PASD1: variants seen among roughly 807,000 people sequenced by gnomAD.
The protein encoded by PASD1 is PAS domain containing repressor 1.
In PASD1, 13 loss-of-function variants were observed where a neutral mutation model predicts 58.8. That is an observed-to-expected ratio of 0.22 (90% CI 0.14 to 0.35). The LOEUF (loss-of-function observed/expected upper bound fraction) is 0.35, where lower values mean the gene tolerates loss of function less well. Among genes scored for constraint, PASD1 ranks in the 10% least tolerant of loss-of-function variants. The pLI, the probability that PASD1 is intolerant of heterozygous loss-of-function variation, is 1.00. For missense variants in PASD1, 734 were observed against 568.3 expected (o/e 1.29, Z -2.96); for synonymous variants, 236 against 216.7 (o/e 1.09, Z -0.78).
rs2014470160 is a variant in PASD1, at chrX:151,671,624, G to A, written c.1282G>A (p.Glu428Lys). ...HVVIPDLQSSEAVPKKQQKQH... is the reference protein window; with the variant it reads ...HVVIPDLQSSKAVPKKQQKQH... ...TGTCATTCCTGATCTCCAATCTTCG[G>A]AGGCAGTGCCCAAGAAACAACAGAA... is the stretch of plus-strand genomic sequence containing the variant. The change falls in exon 13 of 16, where the codon GAG (glutamate) becomes AAG (lysine). Residue 428 changes from glutamate to lysine, a missense_variant. Transcript: ENST00000370357. 5.0e-6 allele frequency: 6 copies of A among 1,211,710 alleles called. No homozygotes were observed. Among genetic ancestry groups the A allele is most frequent in the Non-Finnish European group, 6.7e-6 (6 of 895,520 alleles).
intron 8 of PASD1, among the ~76,000 whole-genome samples, chrX:151,629,188 C>T (rs1029110300): frequency 9.0e-6 from 1 of 111,177 alleles, no homozygotes; most frequent in Non-Finnish European, 1.9e-5. Context: ...GGTGCAATCT[C>T]GGCTCGCTGC....
chrX:151,588,604 A>C (rs761900354), intron 1 of PASD1, among the ~76,000 whole-genome samples: 1 of 111,395 alleles, frequency 9.0e-6, no homozygotes, highest in African/African-American at 3.3e-5. Flanking sequence ...TGCTGCTGAA[A>C]TAGTACTCAT....
In PASD1 at chrX:151,672,216, G is replaced by A. The variant is rs1260819650; in HGVS notation, c.1471G>A (p.Glu491Lys). 17 of 1,137,526 alleles carry A rather than the reference G, an allele frequency of 1.5e-5. No homozygotes were observed. The East Asian group carries it at 4.6e-4, about 31-fold the overall frequency. The allele number at this position is 1,137,526 out of a possible 1,213,427, so 93.7% of individuals were successfully genotyped here. A position where few individuals can be genotyped will look rare whatever the true frequency, so the allele number is the denominator to read the frequency against. ...QLVQQEQHLK[E>K]QQRQLREQLQ... is the part of the protein sequence containing the mutation. The stretch of plus-strand genomic sequence containing the variant: ...GGTGCAGCAAGAACAACACCTGAAG[G>A]AGCAGCAGCGGCAGCTGCGGGAGCA... Residue 491 changes from glutamate (E) to lysine (K), a missense_variant, in exon 14 of 16, where the codon GAG becomes AAG. By Grantham distance (56) the Glu-to-Lys change is moderately conservative (BLOSUM62 1). Transcript: ENST00000370357.
chrX:151,624,912 G>A (rs1318147387), intron 7 of PASD1, among the ~76,000 whole-genome samples: 1 of 111,763 alleles, frequency 8.9e-6, no homozygotes, highest in Non-Finnish European at 1.9e-5. Flanking sequence ...TAGCCCTCTG[G>A]GATTTGAACT....
intron 6 of PASD1, among the ~76,000 whole-genome samples, chrX:151,622,072 CT>C (rs2013719399): frequency 9.1e-6 from 1 of 110,139 alleles, no homozygotes; most frequent in Non-Finnish European, 1.9e-5. Context: ...CAATAAAGTT[CT>C]GTCCATTGAC....
At chrX:151,611,807 G>T in intron 4 of PASD1, 54 bp downstream of exon 4, 1 of 900,251 alleles carries the variant, frequency 1.1e-6, no homozygotes, top group Non-Finnish European at 1.6e-6. Flanking sequence ...TTGTTTAGGG[G>T]TTCATTATTT....
chrX:151,659,188 A>T (rs2014281292), intron 9 of PASD1, among the ~76,000 whole-genome samples: 1 of 112,453 alleles, frequency 8.9e-6, no homozygotes, highest in South Asian at 3.7e-4. Context: ...GTTGTTAAAC[A>T]GCCCCTGGTT....
At chrX:151,653,879 T>TTTC (rs1569413948) in intron 9 of PASD1, among the ~76,000 whole-genome samples, 6 of 19,805 alleles carry the variant, frequency 3.0e-4, no homozygotes, top group African/African-American at 9.8e-4. Flanking sequence ...TCTTTCTTTC[T>TTTC]TTCTTTCTTT....
chrX:151,576,615 AAAG>A (rs1336130453), intron 1 of PASD1, among the ~76,000 whole-genome samples: 1 of 112,367 alleles, frequency 8.9e-6, no homozygotes, highest in Non-Finnish European at 1.9e-5. Flanking sequence ...CAAGTGAAGG[AAAG>A]AAGATGTCTT....
chrX:151,593,623 T>A (rs966483582), intron 1 of PASD1, among the ~76,000 whole-genome samples: 9 of 111,785 alleles, frequency 8.1e-5, no homozygotes, highest in African/African-American at 1.3e-4. Flanking sequence ...ATGTGCCACA[T>A]TTTCTGAATC....
At chrX:151,626,794 C>T (rs191520218) in intron 8 of PASD1, among the ~76,000 whole-genome samples, 4 of 111,763 alleles carry the variant, frequency 3.6e-5, no homozygotes, top group South Asian at 3.7e-4. Flanking sequence ...GCTGTGGTCA[C>T]GGTTACTATT....
At chrX:151,658,271 C>T (rs1025418392) in intron 9 of PASD1, among the ~76,000 whole-genome samples, 1 of 112,395 alleles carries the variant, frequency 8.9e-6, no homozygotes, top group Non-Finnish European at 1.9e-5. Context: ...TGCATTTTCA[C>T]CTTAGTCCTA....
At position 151,671,162 on chromosome X, in the gene PASD1, A is replaced by G. The variant is rs1176467851; in HGVS notation, c.1196A>G (p.Gln399Arg). The change falls in exon 12 of 16, where the codon CAG becomes CGG. Residue 399 changes from glutamine to arginine, a missense_variant. Physicochemically the swap from Gln to Arg is conservative, Grantham distance 43. Coordinates refer to ENST00000370357, the MANE Select transcript of PASD1 (RefSeq NM_173493.3). ...CTGCATGATGCCATCCAAAACCAGC[A>G]GAATGCATTGGAATTGATGATGGAT... ...WLLHDAIQNQ[Q>R]NALELMMDHL... 1.7e-6 allele frequency: 2 copies of G among 1,211,820 alleles called. No individual in the cohort carries two copies. The highest frequency in any genetic ancestry group is 4.3e-5 in the Admixed American group (2 of 46,019).
chrX:151,612,577 G>A (rs1334996750), intron 4 of PASD1, among the ~76,000 whole-genome samples: 1 of 111,377 alleles, frequency 9.0e-6, no homozygotes, highest in African/African-American at 3.3e-5. Flanking sequence ...GTGATGCTGA[G>A]CATTTTTTCA....
At chrX:151,567,803 C>T (rs1226348424) in intron 1 of PASD1, among the ~76,000 whole-genome samples, 1 of 112,286 alleles carries the variant, frequency 8.9e-6, no homozygotes, top group Non-Finnish European at 1.9e-5. Flanking sequence ...CTCACTGCAA[C>T]CTCTGCCTGC....
chrX:151,576,677 ATGTG>A (rs768029358), intron 1 of PASD1, among the ~76,000 whole-genome samples: 2 of 110,537 alleles, frequency 1.8e-5, no homozygotes, highest in Non-Finnish European at 3.8e-5. Context: ...GTGTGTGTGT[ATGTG>A]TGTGTGTGTG....
At chrX:151,577,466 CAT>C (rs2013023710) in intron 1 of PASD1, among the ~76,000 whole-genome samples, 1 of 112,190 alleles carries the variant, frequency 8.9e-6, no homozygotes, top group Non-Finnish European at 1.9e-5. Flanking sequence ...CTGACAGAGA[CAT>C]ATACCATAAT....
chrX:151,600,028 C>T (rs994205388), intron 1 of PASD1, among the ~76,000 whole-genome samples: 1 of 112,177 alleles, frequency 8.9e-6, no homozygotes, highest in African/African-American at 3.2e-5. Context: ...CTCGGGACGC[C>T]GAGGCTGGCA....
chrX:151,660,751 G>A (rs151141060), intron 10 of PASD1, among the ~76,000 whole-genome samples: 1,282 of 112,672 alleles, frequency 0.011, 12 homozygotes, highest in African/African-American at 0.039. Context: ...ATATTGAAAT[G>A]GCTAGCAGCT....
Sources: gnomAD v4.1 joint callset for allele counts (sites outside exome capture counted in the v4.1 genomes callset) on GRCh38, gnomAD v4.1.1 for gene constraint, MANE v1.5 for transcripts, NCBI Gene and HGNC (gene_info 2026-07-23, HGNC 2026-07-21) for gene names.